The following LOXHD1 variants were observed in gnomAD, a reference collection of about 807,000 sequenced individuals.
The protein encoded by LOXHD1 is lipoxygenase homology PLAT domains 1, also known as lipoxygenase homology domain-containing protein 1.
LOXHD1 carries 205 observed loss-of-function variants against 248.2 expected under a neutral mutation model. That is an observed-to-expected ratio of 0.83 (90% CI 0.74 to 0.93). The LOEUF is 0.93. LOXHD1 is among the 40% of genes least tolerant of loss of function. LOXHD1 has a pLI of 0.00. For synonymous variants in LOXHD1, 1,113 were observed against 1,162.8 expected, an observed-to-expected ratio of 0.96 and a Z score of 0.87; for missense variants, 2,930 against 2,971.6, an observed-to-expected ratio of 0.99 and a Z score of 0.33.
intron 4 of LOXHD1, among the ~76,000 whole-genome samples, chr18:46,627,656 G>A (rs2038761784): frequency 6.6e-6 from 1 of 152,142 alleles, no homozygotes; most frequent in Admixed American, 6.5e-5. Context: ...TTCTGGGAGG[G>A]TGGAGGCCAC....
At chr18:46,596,015 G>T (rs912735222) in intron 8 of LOXHD1, among the ~76,000 whole-genome samples, 1 of 152,114 alleles carries the variant, frequency 6.6e-6, no homozygotes, top group Non-Finnish European at 1.5e-5. Flanking sequence ...GTTCTAGAAG[G>T]TTAAAGGTTA....
chr18:46,634,333 C>A (rs1318405129), intron 4 of LOXHD1, among the ~76,000 whole-genome samples: 1 of 152,158 alleles, frequency 6.6e-6, no homozygotes, highest in Non-Finnish European at 1.5e-5. Context: ...TGCAAAAGGA[C>A]AAATATTGTA....
chr18:46,539,147 T>C (rs943836203), intron 25 of LOXHD1, among the ~76,000 whole-genome samples: 1 of 152,122 alleles, frequency 6.6e-6, no homozygotes, highest in East Asian at 1.9e-4. Context: ...TCAGAAACTT[T>C]TGGGGATGCT....
chr18:46,498,735 T>C (rs546366418), intron 37 of LOXHD1, among the ~76,000 whole-genome samples: 1 of 152,328 alleles, frequency 6.6e-6, no homozygotes, highest in South Asian at 2.1e-4. Flanking sequence ...TCTAAATCCA[T>C]GGTGATCTCA....
intron 14 of LOXHD1, 137 bp downstream of exon 14, chr18:46,577,570 G>T: frequency 2.1e-6 from 2 of 948,808 alleles, no homozygotes; most frequent in Non-Finnish European, 3.1e-6. Flanking sequence ...CACCAGCGAG[G>T]TCACCTCTTT....
At chr18:46,592,948 T>G (rs2144237997) in intron 10 of LOXHD1, among the ~76,000 whole-genome samples, 1 of 152,256 alleles carries the variant, frequency 6.6e-6, no homozygotes, top group Non-Finnish European at 1.5e-5. Context: ...AGGACTCTAC[T>G]GGGCAGTGAA....
intron 21 of LOXHD1, among the ~76,000 whole-genome samples, chr18:46,553,299 A>T (rs757015871): frequency 1.3e-5 from 2 of 152,196 alleles, no homozygotes; most frequent in Non-Finnish European, 2.9e-5. Context: ...TCTAGTCCTC[A>T]TGATGATTTC....
At chr18:46,584,334 A>C (rs1050652044) in intron 12 of LOXHD1, among the ~76,000 whole-genome samples, 10 of 152,242 alleles carry the variant, frequency 6.6e-5, no homozygotes, top group East Asian at 3.9e-4. Context: ...TAATGACTAT[A>C]GTTAACAATA....
chr18:46,610,687 G>A (rs1466903355), intron 6 of LOXHD1, 89 bp downstream of exon 6: 3 of 1,415,764 alleles, frequency 2.1e-6, no homozygotes, highest in Middle Eastern at 2.6e-4. Context: ...ACCTAGAGAG[G>A]AAAGTTGGGA....
At chr18:46,594,523 G>C in intron 8 of LOXHD1, 57 bp from the exon 9 acceptor site, 19 of 1,545,762 alleles carry the variant, frequency 1.2e-5, no homozygotes, top group Non-Finnish European at 1.7e-5. Flanking sequence ...GGTCCTCTTC[G>C]TGATGTTCAG....
intron 4 of LOXHD1, among the ~76,000 whole-genome samples, chr18:46,637,198 T>A (rs1448663613): frequency 1.3e-5 from 2 of 152,106 alleles, no homozygotes; most frequent in Non-Finnish European, 2.9e-5. Flanking sequence ...ATTGGAATAT[T>A]TGAACCCCTT....
At chr18:46,599,371 CT>C (rs1202987689) in intron 8 of LOXHD1, among the ~76,000 whole-genome samples, 1 of 151,924 alleles carries the variant, frequency 6.6e-6, no homozygotes, top group East Asian at 1.9e-4. Flanking sequence ...TTTAAAAGCC[CT>C]TCAATAAATG....
chr18:46,648,650 C>T (rs1475840289), intron 2 of LOXHD1, among the ~76,000 whole-genome samples: 1 of 152,178 alleles, frequency 6.6e-6, no homozygotes, highest in Non-Finnish European at 1.5e-5. Flanking sequence ...TAAAAAAGAG[C>T]ACACAAGGCA....
chr18:46,633,100 T>A (rs144416652), intron 4 of LOXHD1, among the ~76,000 whole-genome samples: 1 of 152,238 alleles, frequency 6.6e-6, no homozygotes, highest in South Asian at 2.1e-4. Flanking sequence ...TGGTCACTGT[T>A]AAAATCACTT....
intron 4 of LOXHD1, among the ~76,000 whole-genome samples, chr18:46,629,893 C>A (rs982107875): frequency 6.6e-6 from 1 of 152,086 alleles, no homozygotes; most frequent in Non-Finnish European, 1.5e-5. Context: ...CTCCCACCAC[C>A]TGCATGCGCC....
Position 46,505,908 on chromosome 18 carries a change from G to T in LOXHD1, c.5808C>A (p.Asp1936Glu). 6.4e-7 allele frequency: 1 copy of T among 1,551,900 alleles called. No homozygotes were observed. The highest frequency in any genetic ancestry group is 8.7e-7 in the Non-Finnish European group (1 of 1,147,038). Residue 1936 changes from aspartate to glutamate, a missense_variant, in exon 37 of 41, where the codon GAC becomes GAA. Coordinates refer to ENST00000642948, the MANE Select transcript of LOXHD1 (RefSeq NM_001384474.1). Reference protein sequence around the residue: ...NWNKFERNNTDTFNFPDMLSL... With the variant: ...NWNKFERNNTETFNFPDMLSL... Reference sequence around the variant, plus strand: ...TCAGCATGTCAGGGAAGTTGAATGTGTCCGTGTTGTTCCGCTCAAACTTGT... The same window carrying T: ...TCAGCATGTCAGGGAAGTTGAATGTTTCCGTGTTGTTCCGCTCAAACTTGT...
chr18:46,638,794 AAAGG>A (rs2038925027), intron 4 of LOXHD1, among the ~76,000 whole-genome samples: 1 of 152,184 alleles, frequency 6.6e-6, no homozygotes, highest in Non-Finnish European at 1.5e-5. Context: ...GACAATGGAT[AAAGG>A]GTGGAGCTTG....
Position 46,657,038 on chromosome 18 carries a change from T to C in LOXHD1, c.-5A>G, listed in dbSNP as rs2144418378. 1 of 1,551,638 alleles carries C rather than the reference T, an allele frequency of 6.4e-7. No individual in the cohort carries two copies. The highest frequency in any genetic ancestry group is 8.7e-7 in the Non-Finnish European group (1 of 1,146,928). On this transcript the variant is annotated 5_prime_UTR_variant, in exon 1 of 41. Transcript: ENST00000642948. ...CCTTTTCTTCTGGGGCATCATTCTGTCGGCTGCCTTCTCCCAGCGCTCGCA... is the reference window on the plus strand; with the variant it reads ...CCTTTTCTTCTGGGGCATCATTCTGCCGGCTGCCTTCTCCCAGCGCTCGCA...
chr18:46,490,107 G>T (rs2033356219), intron 37 of LOXHD1, among the ~76,000 whole-genome samples: 1 of 152,200 alleles, frequency 6.6e-6, no homozygotes, highest in Non-Finnish European at 1.5e-5. Flanking sequence ...CCATGCACTG[G>T]TTGAGTTACT....
Sources: allele counts gnomAD v4.1 joint callset (sites outside exome capture counted in the v4.1 genomes callset), GRCh38; gene constraint gnomAD v4.1.1; transcripts MANE v1.5; gene names NCBI Gene and HGNC (gene_info 2026-07-23, HGNC 2026-07-21).